PRKCE: variants seen among roughly 807,000 people sequenced by gnomAD.
PRKCE encodes the protein protein kinase C epsilon, also known as protein kinase C epsilon type.
A neutral mutation model predicts 85.4 loss-of-function variants in PRKCE; 16 were observed. The ratio of observed to expected loss-of-function variants is 0.19; its 90% CI spans 0.13 to 0.28. The LOEUF (loss-of-function observed/expected upper bound fraction) is 0.28, where lower values mean the gene tolerates loss of function less well. Among genes scored for constraint, PRKCE ranks in the 10% least tolerant of loss-of-function variants. PRKCE has a pLI of 1.00. For synonymous variants in PRKCE, 388 were observed against 371.5 expected (o/e 1.04, Z -0.51); for missense variants, 573 against 975.2 (o/e 0.59, Z 5.49).
intron 1 of PRKCE, among the ~76,000 whole-genome samples, chr2:45,780,576 A>T (rs575919059): frequency 1.2e-3 from 183 of 152,356 alleles, no homozygotes; most frequent in African/African-American, 4.1e-3. Context: ...GGCCTCCCCA[A>T]GCAATCCCTT....
chr2:46,022,689 T>C (rs755580712), intron 10 of PRKCE, among the ~76,000 whole-genome samples: 4 of 152,232 alleles, frequency 2.6e-5, no homozygotes, highest in Non-Finnish European at 5.9e-5. Context: ...CATCAGAAAA[T>C]TTACCAGGAG....
intron 2 of PRKCE, among the ~76,000 whole-genome samples, chr2:45,941,065 T>TAAAAAAAAAAAAAAAA (rs397781944): frequency 7.4e-5 from 5 of 67,160 alleles, no homozygotes; most frequent in East Asian, 2.3e-3. Context: ...GACTTCATCC[T>TAAAAAAAAAAAAAAAA]AAAAAAAAAA....
At chr2:46,053,583 G>T (rs1034481938) in intron 10 of PRKCE, among the ~76,000 whole-genome samples, 4 of 152,220 alleles carry the variant, frequency 2.6e-5, no homozygotes, top group African/African-American at 9.7e-5. Context: ...GGTACCTCAT[G>T]TGAGCGGAGT....
chr2:45,672,730 A>G (rs1676235213), intron 1 of PRKCE, among the ~76,000 whole-genome samples: 1 of 152,150 alleles, frequency 6.6e-6, no homozygotes, highest in African/African-American at 2.4e-5. Context: ...AGGATGGTAA[A>G]AACTGCCATA....
At chr2:45,724,728 C>T (rs1291976679) in intron 1 of PRKCE, among the ~76,000 whole-genome samples, 2 of 152,222 alleles carry the variant, frequency 1.3e-5, no homozygotes, top group East Asian at 3.8e-4. Context: ...ATCAAACCAG[C>T]CACAACATTC....
intron 10 of PRKCE, among the ~76,000 whole-genome samples, chr2:46,050,204 C>T (rs1238325535): frequency 6.6e-6 from 1 of 152,370 alleles, no homozygotes; most frequent in East Asian, 1.9e-4. Flanking sequence ...AAGGCCAAAG[C>T]TGGACAAAGG....
At chr2:45,832,466 C>T (rs188523302) in intron 1 of PRKCE, among the ~76,000 whole-genome samples, 1 of 152,250 alleles carries the variant, frequency 6.6e-6, no homozygotes, top group African/African-American at 2.4e-5. Flanking sequence ...GTGCACTCCA[C>T]CATGCCCAGC....
At chr2:45,662,915 T>C (rs1400087492) in intron 1 of PRKCE, among the ~76,000 whole-genome samples, 1 of 152,136 alleles carries the variant, frequency 6.6e-6, no homozygotes, top group East Asian at 1.9e-4. Context: ...ATGTAAGGTG[T>C]ATGAACCTAT....
intron 1 of PRKCE, among the ~76,000 whole-genome samples, chr2:45,669,363 G>T (rs1330467351): frequency 1.3e-5 from 2 of 152,218 alleles, no homozygotes; most frequent in Non-Finnish European, 2.9e-5. Context: ...CCTGGAGAAT[G>T]AATTAGGCCC....
chr2:46,083,171 G>C (rs1015533747), intron 10 of PRKCE, among the ~76,000 whole-genome samples: 53 of 152,104 alleles, frequency 3.5e-4, no homozygotes, highest in African/African-American at 1.7e-4. Context: ...GGTTGATCTC[G>C]ATCTCCTGGC....
Position 46,159,889 on chromosome 2 carries a change from C to A in PRKCE, c.2067+137C>A. ...TGACAAAGACCAGAGGTGGCTGAGG[C>A]TCTCCCTAAGACAATGTCTTTAGGC... On this transcript the variant is annotated intron_variant, in intron 14 of 14. Coordinates refer to ENST00000306156, the MANE Select transcript of PRKCE (RefSeq NM_005400.3). This position sits in a 1 kb window ranked among gnomAD's most constrained non-coding sequence, Gnocchi z 4.1. 2.6e-6 allele frequency: 3 copies of A among 1,138,506 alleles called. No homozygotes were observed. The highest frequency in any genetic ancestry group is 1.6e-5 in the African/African-American group (1 of 63,432). The allele number at this position is 1,138,506 out of a possible 1,614,324, so 70.5% of individuals were successfully genotyped here.
chr2:45,851,123 C>T (rs188651400), intron 2 of PRKCE, among the ~76,000 whole-genome samples: 266 of 152,304 alleles, frequency 1.7e-3, no homozygotes, highest in East Asian at 5.6e-3. Flanking sequence ...AACACTTCCA[C>T]GTGATCACTG....
chr2:45,928,132 A>G (rs1229193025), intron 2 of PRKCE, among the ~76,000 whole-genome samples: 3 of 152,112 alleles, frequency 2.0e-5, no homozygotes, highest in Non-Finnish European at 4.4e-5. Flanking sequence ...TCTGTAAGAA[A>G]CTGCTTCTAG....
At chr2:46,066,540 C>T (rs1278841558) in intron 10 of PRKCE, among the ~76,000 whole-genome samples, 3 of 152,180 alleles carry the variant, frequency 2.0e-5, no homozygotes, top group Non-Finnish European at 4.4e-5. Context: ...TTATCCAGAA[C>T]ATTTTGTACA....
At chr2:45,714,001 CTTTTAA>C (rs1377917685) in intron 1 of PRKCE, among the ~76,000 whole-genome samples, 1 of 152,218 alleles carries the variant, frequency 6.6e-6, no homozygotes, top group Non-Finnish European at 1.5e-5. Flanking sequence ...AAGTTATGTT[CTTTTAA>C]TTTTACCAAG....
At chr2:45,849,279 G>C (rs1204281620) in intron 2 of PRKCE, among the ~76,000 whole-genome samples, 1 of 152,058 alleles carries the variant, frequency 6.6e-6, no homozygotes. Flanking sequence ...TGGGACACTG[G>C]GCAGAGCACA....
chr2:45,845,346 C>T (rs1248940110), intron 2 of PRKCE: 1 of 151,292 alleles, frequency 6.6e-6, no homozygotes, highest in Non-Finnish European at 1.5e-5. Context: ...CACAACCACC[C>T]TCCTGGATTT....
chr2:45,865,723 C>T (rs1447101724), intron 2 of PRKCE, among the ~76,000 whole-genome samples: 2 of 152,136 alleles, frequency 1.3e-5, no homozygotes, highest in Non-Finnish European at 1.5e-5. Context: ...AAGCAGAGAG[C>T]AGCCCTCATC....
intron 1 of PRKCE, among the ~76,000 whole-genome samples, chr2:45,836,075 G>C (rs529155271): frequency 1.3e-5 from 2 of 152,160 alleles, no homozygotes; most frequent in African/African-American, 4.8e-5. Flanking sequence ...ACAACTCAGC[G>C]TACAGATCCA....
Sources: allele counts gnomAD v4.1 joint callset (sites outside exome capture counted in the v4.1 genomes callset), GRCh38; gene constraint gnomAD v4.1.1; non-coding constraint Gnocchi (gnomAD v3.1); transcripts MANE v1.5; gene names NCBI Gene and HGNC (gene_info 2026-07-23, HGNC 2026-07-21).